The following ARHGEF28 variants were observed in gnomAD, a reference collection of about 807,000 sequenced individuals.
The protein encoded by ARHGEF28 is Rho guanine nucleotide exchange factor 28.
ARHGEF28 carries 152 observed loss-of-function variants against 206.6 expected under a neutral mutation model. The observed-to-expected ratio is 0.74, with a 90% confidence interval of 0.64 to 0.84. The LOEUF (loss-of-function observed/expected upper bound fraction) is 0.84, where lower values mean the gene tolerates loss of function less well. Among genes scored for constraint, ARHGEF28 ranks in the 40% least tolerant of loss-of-function variants. The pLI is 0.00. For missense variants in ARHGEF28, 2,028 were observed against 2,073.2 expected (o/e 0.98, Z 0.42); for synonymous variants, 763 against 776.4 (o/e 0.98, Z 0.29).
intron 1 of ARHGEF28, among the ~76,000 whole-genome samples, chr5:73,675,757 A>G (rs76574076): frequency 6.6e-6 from 1 of 151,042 alleles, no homozygotes; most frequent in African/African-American, 2.4e-5. Context: ...AAAAAAAAGA[A>G]AATAAGCATA....
intron 9 of ARHGEF28, among the ~76,000 whole-genome samples, chr5:73,829,724 A>G (rs1219626906): frequency 1.3e-5 from 2 of 152,062 alleles, no homozygotes; most frequent in East Asian, 1.9e-4. Context: ...TTCTATGTAC[A>G]GTGGGGATAA....
intron 2 of ARHGEF28, among the ~76,000 whole-genome samples, chr5:73,710,700 A>G (rs929673664): frequency 3.3e-5 from 5 of 152,080 alleles, no homozygotes; most frequent in African/African-American, 1.2e-4. Context: ...GATCTGTGAT[A>G]CCTCTGAATT....
At chr5:73,910,381 CAAAAAAAAAAAA>C (rs60086897) in intron 34 of ARHGEF28, among the ~76,000 whole-genome samples, 2 of 31,008 alleles carry the variant, frequency 6.4e-5, no homozygotes, top group Non-Finnish European at 1.1e-4. Context: ...AACACCATCT[CAAAAAAAAAAAA>C]AAAAAAAAAA....
chr5:73,930,211 A>C (rs538251570), intron 35 of ARHGEF28, among the ~76,000 whole-genome samples: 25 of 152,206 alleles, frequency 1.6e-4, no homozygotes, highest in Non-Finnish European at 2.2e-4. Context: ...CAATATAACT[A>C]TCAGCAGCAA....
chr5:73,866,776 C>G (rs1759733313), intron 18 of ARHGEF28, among the ~76,000 whole-genome samples: 1 of 152,174 alleles, frequency 6.6e-6, no homozygotes, highest in African/African-American at 2.4e-5. Flanking sequence ...ATTTGAAAAT[C>G]TCTTGCTTTA....
chr5:73,795,215 C>T (rs1408689282), intron 8 of ARHGEF28, 116 bp from the exon 9 acceptor site: 6 of 892,332 alleles, frequency 6.7e-6, no homozygotes, highest in African/African-American at 1.7e-5. Flanking sequence ...TGTGATGATA[C>T]TTGTAACATG....
chr5:73,776,089 A>G (rs904306105), intron 5 of ARHGEF28, among the ~76,000 whole-genome samples: 1 of 152,182 alleles, frequency 6.6e-6, no homozygotes, highest in Middle Eastern at 3.2e-3. Context: ...AAACCTCACC[A>G]TGTTCCCTGG....
intron 9 of ARHGEF28, among the ~76,000 whole-genome samples, chr5:73,799,172 T>C (rs1296402943): frequency 6.6e-6 from 1 of 152,144 alleles, no homozygotes; most frequent in African/African-American, 2.4e-5. Context: ...AATGGACCCT[T>C]TGGGCAGCAG....
chr5:73,834,467 A>G (rs1209303018), intron 10 of ARHGEF28, among the ~76,000 whole-genome samples: 1 of 152,050 alleles, frequency 6.6e-6, no homozygotes, highest in Admixed American at 6.6e-5. Context: ...TTTACTTAGC[A>G]TAATGTCTTC....
At chr5:73,864,935 C>A in intron 17 of ARHGEF28, 63 bp downstream of exon 17, 2 of 1,444,768 alleles carry the variant, frequency 1.4e-6, no homozygotes, top group African/African-American at 1.4e-5. Context: ...TCTATTTGAG[C>A]TTTTACTCTT....
chr5:73,834,607 A>G lies in ARHGEF28; in HGVS notation c.1146+2148A>G, dbSNP rs143151306. On this transcript the variant is annotated intron_variant, in intron 10 of 35. Coordinates refer to ENST00000513042, the MANE Select transcript of ARHGEF28 (RefSeq NM_001177693.2). ...GTGTTTGTGTGTGCAGGTATATGGA[A>G]TCTGTCACATTTCAGTCAATGGTGG... is the stretch of plus-strand genomic sequence containing the variant. Among the ~76,000 whole-genome samples the G allele has an allele frequency of 1.1e-3, 169 of 151,166 alleles. 4 individuals are homozygous for G. The East Asian group carries it at 0.029, about 26-fold the overall frequency.
At chr5:73,658,103 C>T (rs1745335050) in intron 1 of ARHGEF28, among the ~76,000 whole-genome samples, 1 of 151,194 alleles carries the variant, frequency 6.6e-6, no homozygotes, top group Non-Finnish European at 1.5e-5. Context: ...TCATGTTATT[C>T]AATCCATTAT....
At chr5:73,779,642 C>T (rs370744003) in intron 6 of ARHGEF28, among the ~76,000 whole-genome samples, 1 of 152,104 alleles carries the variant, frequency 6.6e-6, no homozygotes, top group East Asian at 1.9e-4. Flanking sequence ...GTGTGGTGAC[C>T]CCTCCTCCAT....
intron 2 of ARHGEF28, among the ~76,000 whole-genome samples, chr5:73,713,665 C>T (rs1054487618): frequency 6.6e-6 from 1 of 151,904 alleles, no homozygotes; most frequent in African/African-American, 2.4e-5. Flanking sequence ...GGAGGGTAAG[C>T]GAGAAAGGTC....
intron 7 of ARHGEF28, chr5:73,786,391 C>T (rs902280880): frequency 5.3e-5 from 8 of 152,252 alleles, no homozygotes; most frequent in Non-Finnish European, 7.3e-5. Context: ...ACACTATAGA[C>T]TCCCACTACC....
intron 1 of ARHGEF28, among the ~76,000 whole-genome samples, chr5:73,637,880 A>G (rs1285604158): frequency 1.3e-5 from 2 of 152,074 alleles, no homozygotes; most frequent in African/African-American, 2.4e-5. Flanking sequence ...AGCAAAGGCA[A>G]TTTTCTGGGA....
chr5:73,693,116 G>T (rs1169292707), intron 2 of ARHGEF28, among the ~76,000 whole-genome samples: 1 of 152,138 alleles, frequency 6.6e-6, no homozygotes, highest in African/African-American at 2.4e-5. Context: ...TGCTCTATTA[G>T]AAGTCATAAG....
At chr5:73,850,631 G>C (rs916821483) in intron 13 of ARHGEF28, among the ~76,000 whole-genome samples, 1 of 152,216 alleles carries the variant, frequency 6.6e-6, no homozygotes, top group East Asian at 1.9e-4. Context: ...CTTGATCTAT[G>C]AAGTCAGATA....
intron 9 of ARHGEF28, among the ~76,000 whole-genome samples, chr5:73,802,541 T>C (rs1426285781): frequency 1.3e-5 from 2 of 152,158 alleles, no homozygotes; most frequent in African/African-American, 4.8e-5. Context: ...TAAACCAGCT[T>C]AGTGACTAAG....
Sources: gnomAD v4.1 joint callset for allele counts (sites outside exome capture counted in the v4.1 genomes callset) on GRCh38, gnomAD v4.1.1 for gene constraint, MANE v1.5 for transcripts, NCBI Gene and HGNC (gene_info 2026-07-23, HGNC 2026-07-21) for gene names.